HOMER2: variants seen among roughly 807,000 people sequenced by gnomAD.
HOMER2 encodes the protein homer scaffold protein 2, also known as homer protein homolog 2.
HOMER2 carries 27 observed loss-of-function variants against 47.0 expected under a neutral mutation model. That is an observed-to-expected ratio of 0.57 (90% confidence interval 0.42 to 0.79). HOMER2 has a LOEUF of 0.79. Ranked by LOEUF, HOMER2 falls within the 30% of genes least tolerant of loss-of-function variation. HOMER2 has a pLI of 0.00. For synonymous variants in HOMER2, 161 were observed against 163.8 expected (o/e 0.98, Z 0.13); for missense variants, 443 against 435.0 (o/e 1.02, Z -0.16).
chr15:82,927,294 G>A (rs773433332), intron 1 of HOMER2, among the ~76,000 whole-genome samples: 2 of 149,928 alleles, frequency 1.3e-5, no homozygotes, highest in Middle Eastern at 6.8e-3. Flanking sequence ...GCTTCAAAAG[G>A]CAAGAATTCT....
At chr15:82,850,134 G>A (rs1367276843) in intron 8 of HOMER2, among the ~76,000 whole-genome samples, 7 of 152,202 alleles carry the variant, frequency 4.6e-5, no homozygotes, top group African/African-American at 1.7e-4. Flanking sequence ...CCCACAGAGG[G>A]ACCAACACCC....
downstream of HOMER2, among the ~76,000 whole-genome samples, chr15:82,848,451 C>T (rs1422768255): frequency 6.6e-6 from 1 of 152,202 alleles, no homozygotes; most frequent in Non-Finnish European, 1.5e-5. Flanking sequence ...AGGATGCCAA[C>T]AGCACCCACA....
At chr15:82,924,007 G>C (rs1427614376) in intron 1 of HOMER2, among the ~76,000 whole-genome samples, 2 of 152,230 alleles carry the variant, frequency 1.3e-5, no homozygotes, top group African/African-American at 4.8e-5. Context: ...AGAGGTGAGA[G>C]AGAGGCGTGC....
chr15:82,856,996 T>G (rs1393085393), intron 5 of HOMER2, among the ~76,000 whole-genome samples: 2 of 152,154 alleles, frequency 1.3e-5, no homozygotes, highest in Non-Finnish European at 2.9e-5. Context: ...TTTCCTCATC[T>G]GTAAAATGGG....
At position 82,968,594 on chromosome 15, in the gene HOMER2, T is replaced by C. The variant is rs117841558; in HGVS notation, n.83-9286A>G. On this transcript the variant is annotated intron_variant and non_coding_transcript_variant, in intron 1 of 1. Transcript: ENST00000500334. Reference sequence around the variant, plus strand: ...TCTTTACCCAGATGGTAGTATTCTATACACACTGTTCTGCAGTTGGTCTTA... The same window carrying C: ...TCTTTACCCAGATGGTAGTATTCTACACACACTGTTCTGCAGTTGGTCTTA... Among the ~76,000 whole-genome samples the C allele has an allele frequency of 2.9e-3, 442 of 152,340 alleles. 4 individuals are homozygous for C. The highest frequency in any genetic ancestry group is 0.027 in the East Asian group (139 of 5,182).
At chr15:82,917,139 A>C (rs2053613251) in intron 1 of HOMER2, among the ~76,000 whole-genome samples, 1 of 152,090 alleles carries the variant, frequency 6.6e-6, no homozygotes, top group Non-Finnish European at 1.5e-5. Flanking sequence ...TTTCTAACTC[A>C]CAGTTAACCC....
chr15:82,902,197 ATT>A (rs35594463), intron 1 of HOMER2, among the ~76,000 whole-genome samples: 12 of 135,002 alleles, frequency 8.9e-5, no homozygotes, highest in South Asian at 2.4e-4. Flanking sequence ...CATCCAAGTG[ATT>A]TTTTTTTTTT....
At chr15:82,960,571 A>T (rs750495226) in intron 1 of HOMER2, among the ~76,000 whole-genome samples, 2 of 152,170 alleles carry the variant, frequency 1.3e-5, no homozygotes, top group Non-Finnish European at 2.9e-5. Context: ...AAGCGAGATA[A>T]CTCCTTGCCA....
chr15:82,900,928 T>C (rs2053093924), intron 1 of HOMER2, among the ~76,000 whole-genome samples: 1 of 152,222 alleles, frequency 6.6e-6, no homozygotes, highest in African/African-American at 2.4e-5. Flanking sequence ...GTCCTCTGAC[T>C]AGGAATTCCC....
At chr15:82,841,232 T>G (rs943639218) in exon 2 of HOMER2, 7 of 152,156 alleles carry the variant, frequency 4.6e-5, no homozygotes, top group Admixed American at 3.9e-4. Context: ...AGGAGATGTA[T>G]ATTAAAAGAA....
chr15:82,901,511 T>C (rs1468727373), intron 1 of HOMER2, among the ~76,000 whole-genome samples: 3 of 151,956 alleles, frequency 2.0e-5, no homozygotes, highest in Non-Finnish European at 4.4e-5. Flanking sequence ...CACATATATC[T>C]CCCTCCACCT....
intron 1 of HOMER2, among the ~76,000 whole-genome samples, chr15:82,962,546 G>A (rs561772920): frequency 3.5e-4 from 53 of 151,970 alleles, no homozygotes; most frequent in African/African-American, 1.2e-3. Flanking sequence ...GTTTGGTGGC[G>A]TGCGCCTATA....
chr15:82,921,370 C>T (rs1250325694), intron 1 of HOMER2, among the ~76,000 whole-genome samples: 1 of 152,176 alleles, frequency 6.6e-6, no homozygotes, highest in Non-Finnish European at 1.5e-5. Context: ...TGAGAAGCTG[C>T]TTCTGCTGGC....
chr15:82,943,658 A>G (rs1368877371), intron 1 of HOMER2, among the ~76,000 whole-genome samples: 1 of 152,238 alleles, frequency 6.6e-6, no homozygotes, highest in Non-Finnish European at 1.5e-5. Flanking sequence ...GGTCTGCAAT[A>G]TTCCTCACTC....
chr15:82,967,999 T>A (rs1453271390), intron 1 of HOMER2, among the ~76,000 whole-genome samples: 2 of 152,224 alleles, frequency 1.3e-5, no homozygotes, highest in Non-Finnish European at 2.9e-5. Flanking sequence ...TATTCACTCA[T>A]TCAAAAATAT....
chr15:82,929,645 G>A (rs1295439264), intron 1 of HOMER2, among the ~76,000 whole-genome samples: 2 of 105,442 alleles, frequency 1.9e-5, no homozygotes, highest in East Asian at 3.0e-4. Flanking sequence ...GTGACAGAGT[G>A]AGACTATCAA....
chr15:82,857,327 GA>G (rs2151616889), intron 5 of HOMER2, among the ~76,000 whole-genome samples: 1 of 150,414 alleles, frequency 6.6e-6, no homozygotes, highest in East Asian at 2.0e-4. Flanking sequence ...CTAGCCTCCA[GA>G]ACTGTGAGAA....
chr15:82,890,433 C>G (rs973304603), intron 2 of HOMER2, among the ~76,000 whole-genome samples: 3 of 152,176 alleles, frequency 2.0e-5, no homozygotes, highest in African/African-American at 7.2e-5. Context: ...TCCAGCAGCA[C>G]CCCATGGCCT....
chr15:82,900,699 G>C (rs1050639304), intron 1 of HOMER2, among the ~76,000 whole-genome samples: 2 of 152,202 alleles, frequency 1.3e-5, no homozygotes, highest in East Asian at 3.9e-4. Context: ...CATTAGTGGA[G>C]ACACAGAAAT....
Sources: gnomAD v4.1 joint callset for allele counts (sites outside exome capture counted in the v4.1 genomes callset) on GRCh38, gnomAD v4.1.1 for gene constraint, MANE v1.5 for transcripts, NCBI Gene and HGNC (gene_info 2026-07-23, HGNC 2026-07-21) for gene names.